KCNK9: variants seen among roughly 807,000 people sequenced by gnomAD.
KCNK9 encodes the protein potassium channel subfamily K member 9.
A neutral mutation model predicts 10.8 loss-of-function variants in KCNK9; 1 was observed. The observed-to-expected ratio is 0.09, with a 90% CI of 0.03 to 0.44. The LOEUF (loss-of-function observed/expected upper bound fraction) is 0.44, where lower values mean the gene tolerates loss of function less well. KCNK9 is among the 20% of genes least tolerant of loss of function. KCNK9 has a pLI of 0.97. For synonymous variants in KCNK9, 231 were observed against 222.7 expected (o/e 1.04, Z -0.33); for missense variants, 303 against 515.0 (o/e 0.59, Z 3.98).
chr8:139,643,993 G>A (rs1054576058), intron 1 of KCNK9, among the ~76,000 whole-genome samples: 1 of 152,204 alleles, frequency 6.6e-6, no homozygotes, highest in Non-Finnish European at 1.5e-5. Context: ...CGGTGATTGT[G>A]GTCCCCACCT....
intron 1 of KCNK9, among the ~76,000 whole-genome samples, chr8:139,687,736 A>G (rs929753565): frequency 3.4e-5 from 5 of 149,096 alleles, no homozygotes; most frequent in African/African-American, 1.2e-4. Flanking sequence ...AGAAAAATAT[A>G]ATTAACCCCC....
intron 1 of KCNK9, among the ~76,000 whole-genome samples, chr8:139,689,088 T>C (rs1047685001): frequency 6.6e-6 from 1 of 152,184 alleles, no homozygotes; most frequent in African/African-American, 2.4e-5. Context: ...GAGGGATGGC[T>C]GTATGAAGAC....
chr8:139,644,048 TA>T (rs1352964628), intron 1 of KCNK9, among the ~76,000 whole-genome samples: 1 of 152,192 alleles, frequency 6.6e-6, no homozygotes, highest in South Asian at 2.1e-4. Context: ...GTTGCTGAAA[TA>T]ACTATAACTC....
chr8:139,678,973 A>G (rs1054170461), intron 1 of KCNK9, among the ~76,000 whole-genome samples: 1 of 152,230 alleles, frequency 6.6e-6, no homozygotes, highest in Non-Finnish European at 1.5e-5. Flanking sequence ...GGCTGAAAGA[A>G]CACTGGCTGA....
rs1387570503 is a variant in KCNK9, at chr8:139,618,500, A to G, written c.883T>C (p.Ser295Pro). 5.0e-6 allele frequency: 8 copies of G among 1,613,736 alleles called. No individual in the cohort carries two copies. The highest frequency in any genetic ancestry group is 6.8e-6 in the Non-Finnish European group (8 of 1,180,000). The change falls in exon 2 of 2, where the codon TCT becomes CCT. Residue 295 changes from serine (S) to proline (P), a missense_variant. Transcript: ENST00000520439. The surrounding 1 kb of genome is among the most constrained non-coding windows in gnomAD (Gnocchi z 7.9). ...CGGTAGCAGGTGCAGGAGCACACAG[A>G]CTGCAGGTCCGGGACGTCCGCCTTG... ...RYKADVPDLQ[S>P]VCSCTCYRSQ...
At chr8:139,644,233 G>A (rs1815600570) in intron 1 of KCNK9, among the ~76,000 whole-genome samples, 1 of 152,172 alleles carries the variant, frequency 6.6e-6, no homozygotes, top group Non-Finnish European at 1.5e-5. Context: ...AACACAGACA[G>A]GCTGAACCTG....
At chr8:139,626,627 G>A (rs900172538) in intron 1 of KCNK9, among the ~76,000 whole-genome samples, 17 of 152,266 alleles carry the variant, frequency 1.1e-4, no homozygotes, top group African/African-American at 2.6e-4. Flanking sequence ...GAGCTGGAGC[G>A]GCTGTCATGC....
At chr8:139,615,666 AG>A (rs1381412967), downstream of KCNK9, 1 of 152,180 alleles carries the variant, frequency 6.6e-6, no homozygotes. Context: ...AAGACATAGG[AG>A]GGAAATAGAG....
At chr8:139,682,386 G>T (rs2129767927) in intron 1 of KCNK9, among the ~76,000 whole-genome samples, 1 of 152,318 alleles carries the variant, frequency 6.6e-6, no homozygotes, top group South Asian at 2.1e-4. Context: ...ATAAAGACTG[G>T]CTTGGAAAGA....
In KCNK9 at chr8:139,702,635, C is replaced by T. The variant is rs1043520382; in HGVS notation, c.283+75G>A. ...TAACCCTCGACGCCCTGCACCCAGC[C>T]CGGCGCGGCGCGCTCAGCCGCCTCC... On this transcript the variant is annotated intron_variant, in intron 1 of 1. Transcript: ENST00000520439. This position sits in a 1 kb window ranked among gnomAD's most constrained non-coding sequence, Gnocchi z 7.5. The T allele has an allele frequency of 2.4e-5, 36 of 1,479,316 alleles. No homozygotes were observed. Among genetic ancestry groups the T allele is most frequent in the Middle Eastern group, 2.3e-4 (1 of 4,258 alleles). 91.6% of individuals were successfully genotyped at this position (1,479,316 alleles called of 1,614,324 possible). A position where few individuals can be genotyped will look rare whatever the true frequency, so the allele number is the denominator to read the frequency against.
At chr8:139,692,815 G>C (rs1261307764) in intron 1 of KCNK9, among the ~76,000 whole-genome samples, 1 of 152,148 alleles carries the variant, frequency 6.6e-6, no homozygotes, top group Admixed American at 6.5e-5. Context: ...GCACCCATGA[G>C]TGGCCTGGCA....
chr8:139,656,134 G>A (rs939234023), intron 1 of KCNK9, among the ~76,000 whole-genome samples: 1 of 152,184 alleles, frequency 6.6e-6, no homozygotes, highest in East Asian at 1.9e-4. Context: ...AGCCAGGTTG[G>A]GGTACAGGCT....
At chr8:139,688,022 A>ATG (rs371899074) in intron 1 of KCNK9, among the ~76,000 whole-genome samples, 35 of 151,962 alleles carry the variant, frequency 2.3e-4, no homozygotes, top group African/African-American at 5.8e-4. Flanking sequence ...CCTAACATTA[A>ATG]TGTGTGTGTG....
In KCNK9 at chr8:139,693,181, T is replaced by A. The variant is rs1437546527; in HGVS notation, c.283+9529A>T. 6.6e-6 allele frequency among the ~76,000 whole-genome samples: 1 copy of A among 152,100 alleles called. No homozygotes were observed. The highest frequency in any genetic ancestry group is 1.5e-5 in the Non-Finnish European group (1 of 68,030). On this transcript the variant is annotated intron_variant, in intron 1 of 1. Transcript: ENST00000520439. This position sits in a 1 kb window ranked among gnomAD's most constrained non-coding sequence, Gnocchi z 4.1. ...TCCTGAGTGGGCTGCACCTCACATGTCTGACAGGGCCAGTGACAGCCAAAG... is the reference window on the plus strand; with the variant it reads ...TCCTGAGTGGGCTGCACCTCACATGACTGACAGGGCCAGTGACAGCCAAAG...
At chr8:139,614,777 T>C (rs1035457945), downstream of KCNK9, among the ~76,000 whole-genome samples, 3 of 152,196 alleles carry the variant, frequency 2.0e-5, no homozygotes, top group Non-Finnish European at 4.4e-5. Flanking sequence ...CTTAGAGATA[T>C]TACTCTCACT....
intron 1 of KCNK9, among the ~76,000 whole-genome samples, chr8:139,634,644 C>G (rs1251387721): frequency 6.6e-6 from 1 of 152,110 alleles, no homozygotes; most frequent in South Asian, 2.1e-4. Flanking sequence ...TGGCTCAGAC[C>G]CCAATTTGTC....
intron 1 of KCNK9, among the ~76,000 whole-genome samples, chr8:139,667,885 A>T (rs1586677450): frequency 6.6e-5 from 1 of 15,178 alleles, no homozygotes; most frequent in Non-Finnish European, 2.3e-4. Flanking sequence ...CGTCTTAATA[A>T]AAAAAAAAAA....
At position 139,637,553 on chromosome 8, in the gene KCNK9, C is replaced by T. The variant is rs148562237; in HGVS notation, c.284-18454G>A. Among the ~76,000 whole-genome samples, 16 of 152,136 alleles carry T rather than the reference C, an allele frequency of 1.1e-4. No individual in the cohort carries two copies. The East Asian group carries it at 1.9e-3, about 18-fold the overall frequency. On this transcript the variant is annotated intron_variant, in intron 1 of 1. Coordinates refer to ENST00000520439, the MANE Select transcript of KCNK9 (RefSeq NM_001282534.2). ...CCAGAGACAGACAAATACTAAATGACGTCATCTAAAACAGTCAAACTCATG... is the reference window on the plus strand; with the variant it reads ...CCAGAGACAGACAAATACTAAATGATGTCATCTAAAACAGTCAAACTCATG...
downstream of KCNK9, chr8:139,616,303 C>T (rs1215758065): frequency 1.3e-5 from 2 of 152,172 alleles, no homozygotes; most frequent in Non-Finnish European, 2.9e-5. Flanking sequence ...AATTGAACTG[C>T]TGCTATTCTC....
Sources: gnomAD v4.1 joint callset for allele counts (sites outside exome capture counted in the v4.1 genomes callset) on GRCh38, gnomAD v4.1.1 for gene constraint, Gnocchi (gnomAD v3.1) non-coding constraint, MANE v1.5 for transcripts, NCBI Gene and HGNC (gene_info 2026-07-23, HGNC 2026-07-21) for gene names.